The following RIOK3 variants were observed in gnomAD, a reference collection of about 807,000 sequenced individuals.
The protein encoded by RIOK3 is RIO kinase 3, also known as serine/threonine-protein kinase RIO3.
Under a neutral mutation model 63.5 loss-of-function variants are expected in RIOK3, and 40 were observed. The observed-to-expected ratio is 0.63, with a 90% confidence interval of 0.49 to 0.82. The LOEUF is 0.82. RIOK3 is among the 40% of genes least tolerant of loss of function. The pLI, the probability that RIOK3 is intolerant of heterozygous loss-of-function variation, is 0.00. For synonymous variants in RIOK3, 193 were observed against 205.0 expected (o/e 0.94, Z 0.50); for missense variants, 557 against 637.0 (o/e 0.87, Z 1.35).
chr18:23,463,409 C>CTTT lies in RIOK3; in HGVS notation c.179+344_179+346dup, dbSNP rs5823391. The CTTT allele has an allele frequency of 1.5e-3, 209 of 134,954 alleles. 8 individuals carry two copies. The highest frequency in any genetic ancestry group is 4.2e-3 in the Admixed American group (54 of 12,716). The allele number at this position is 134,954 out of a possible 1,614,324, so 8.4% of individuals were successfully genotyped here. Reference sequence around the variant, plus strand: ...TGGATGAATGAAACATCCAGACTTTCTTTTTTTTTTTTTTTTGGAGATGGA... The same window carrying CTTT: ...TGGATGAATGAAACATCCAGACTTTCTTTTTTTTTTTTTTTTTTTGGAGATGGA... On this transcript the variant is annotated intron_variant, in intron 2 of 12. Transcript: ENST00000339486.
At chr18:23,462,699 G>A (rs1364356706) in intron 1 of RIOK3, among the ~76,000 whole-genome samples, 1 of 152,206 alleles carries the variant, frequency 6.6e-6, no homozygotes. Flanking sequence ...GATGCCAGTG[G>A]GCCTGATGCT....
chr18:23,469,329 CT>C (rs59897862), intron 7 of RIOK3, among the ~76,000 whole-genome samples: 1 of 27,304 alleles, frequency 3.7e-5, no homozygotes, highest in Non-Finnish European at 6.9e-5. Flanking sequence ...CTCTCTCTCT[CT>C]CTCTCTCCCC....
intron 9 of RIOK3, among the ~76,000 whole-genome samples, chr18:23,475,805 G>A (rs746189428): frequency 5.9e-5 from 9 of 152,144 alleles, no homozygotes; most frequent in East Asian, 5.8e-4. Context: ...CAGGGAAGTC[G>A]TCATTGTTAG....
Position 23,473,454 on chromosome 18 carries a change from A to G in RIOK3, c.841A>G (p.Lys281Glu), listed in dbSNP as rs750522221. The change falls in exon 8 of 13, where the codon AAA becomes GAA. Residue 281 changes from lysine (K) to glutamate (E), a missense_variant. By Grantham distance (56) the Lys-to-Glu change is moderately conservative. This residue lies in a region of RIOK3 where 309 missense variants were observed against 338.7 expected (regional missense o/e 0.91). Coordinates refer to ENST00000339486, the MANE Select transcript of RIOK3 (RefSeq NM_003831.5). ...GSMEDEKEDS[K>E]VIPTECAIKV... ...CATGGAGGATGAAAAGGAAGATAGT[A>G]AAGTTATACCTACAGAATGTGCCAT... 6 of 1,610,092 alleles carry G rather than the reference A, an allele frequency of 3.7e-6. No individual in the cohort carries two copies. The highest frequency in any genetic ancestry group is 1.7e-5 in the Admixed American group (1 of 59,726).
chr18:23,453,507 G>C lies in RIOK3; in HGVS notation c.63+5G>C. ...GCGGCCTGGGGACCCAGCAAGGTAA[G>C]TGGCAGACGAGACTGGAGTACTAGC... On this transcript the variant is annotated splice_donor_5th_base_variant and intron_variant, in intron 1 of 12. Coordinates refer to ENST00000339486, the MANE Select transcript of RIOK3 (RefSeq NM_003831.5). 6.2e-7 allele frequency: 1 copy of C among 1,610,618 alleles called. No homozygotes were observed. Among genetic ancestry groups the C allele is most frequent in the Non-Finnish European group, 8.5e-7 (1 of 1,177,024 alleles).
intron 1 of RIOK3, chr18:23,456,248 C>T (rs2057340479): frequency 6.6e-6 from 1 of 152,198 alleles, no homozygotes; most frequent in South Asian, 2.1e-4. Context: ...GCCCGGACTT[C>T]TTTATACTCT....
chr18:23,467,454 G>C lies in RIOK3; in HGVS notation c.743G>C (p.Gly248Ala), dbSNP rs1490697284. 1.2e-6 allele frequency: 2 copies of C among 1,613,418 alleles called. No individual in the cohort carries two copies. The highest frequency in any genetic ancestry group is 1.7e-6 in the Non-Finnish European group (2 of 1,179,414). The stretch of plus-strand genomic sequence containing the variant: ...CTTATGTATAAAATGGTCAACTCTG[G>C]AATGTTGGAGACAATCACTGGCTGT... ...RLLMYKMVNS[G>A]MLETITGCIS... Residue 248 changes from glycine to alanine, a missense_variant, in exon 7 of 13, where the codon GGA (glycine) becomes GCA (alanine). Physicochemically the swap from Gly to Ala is moderately conservative, Grantham distance 60. Around this residue, in one of 3 missense-constraint regions of RIOK3, gnomAD observed 309 missense variants for 338.7 expected, o/e 0.91. Coordinates refer to ENST00000339486, the MANE Select transcript of RIOK3 (RefSeq NM_003831.5).
chr18:23,461,401 A>G (rs1176880110), intron 1 of RIOK3, among the ~76,000 whole-genome samples: 1 of 152,238 alleles, frequency 6.6e-6, no homozygotes, highest in Non-Finnish European at 1.5e-5. Flanking sequence ...TTTTAGAACA[A>G]TTACTGTGTT....
intron 1 of RIOK3, among the ~76,000 whole-genome samples, chr18:23,462,275 G>C (rs2057377250): frequency 6.6e-6 from 1 of 151,350 alleles, no homozygotes; most frequent in Non-Finnish European, 1.5e-5. Flanking sequence ...GAGTAGCTGG[G>C]ACTACAGGCA....
intron 1 of RIOK3, among the ~76,000 whole-genome samples, chr18:23,455,028 T>C (rs2057329275): frequency 6.6e-6 from 1 of 151,876 alleles, no homozygotes; most frequent in Non-Finnish European, 1.5e-5. Context: ...CTTCCTTTCC[T>C]TTCCTTTCTT....
At chr18:23,465,395 A>G (rs762258309) in intron 5 of RIOK3, among the ~76,000 whole-genome samples, 18 of 152,226 alleles carry the variant, frequency 1.2e-4, no homozygotes, top group Non-Finnish European at 2.6e-4. Context: ...AAAAAAAAGC[A>G]TTCTAAATCC....
intron 7 of RIOK3, among the ~76,000 whole-genome samples, chr18:23,469,336 T>TCC (rs56779968): frequency 0.022 from 312 of 14,502 alleles, 15 homozygotes; most frequent in African/African-American, 0.1. Flanking sequence ...TCTCTCTCTC[T>TCC]CCCCCTCTCT....
At chr18:23,476,705 G>C (rs912518289) in intron 9 of RIOK3, among the ~76,000 whole-genome samples, 1 of 152,060 alleles carries the variant, frequency 6.6e-6, no homozygotes, top group Non-Finnish European at 1.5e-5. Flanking sequence ...TCAGGAGATT[G>C]AGACCATCCT....
At position 23,464,232 on chromosome 18, in the gene RIOK3, A is replaced by G; in HGVS notation, c.352A>G (p.Lys118Glu). 1 of 1,613,742 alleles carries G rather than the reference A, an allele frequency of 6.2e-7. No homozygotes were observed. Among genetic ancestry groups the G allele is most frequent in the Non-Finnish European group, 8.5e-7 (1 of 1,179,912 alleles). The change falls in exon 4 of 13, where the codon AAA becomes GAA. Residue 118 changes from lysine to glutamate, a missense_variant. Lys to Glu is a moderately conservative substitution (Grantham distance 56). Around this residue, in one of 3 missense-constraint regions of RIOK3, gnomAD observed 243 missense variants for 275.4 expected, o/e 0.88. Coordinates refer to ENST00000339486, the MANE Select transcript of RIOK3 (RefSeq NM_003831.5). Reference sequence around the variant, plus strand: ...TTCCATTTCCTTTGAAAATTATCGAAAAGTGCATCCTTATGAAGACAGCGA... The same window carrying G: ...TTCCATTTCCTTTGAAAATTATCGAGAAGTGCATCCTTATGAAGACAGCGA... ...KVSISFENYR[K>E]VHPYEDSDSS...
At chr18:23,471,554 A>C (rs1261996437) in intron 7 of RIOK3, among the ~76,000 whole-genome samples, 1 of 152,198 alleles carries the variant, frequency 6.6e-6, no homozygotes, top group Non-Finnish European at 1.5e-5. Flanking sequence ...TGGAAAATGA[A>C]TTATAGGAGG....
chr18:23,478,642 T>C (rs200964313), intron 11 of RIOK3, among the ~76,000 whole-genome samples: 1 of 22,728 alleles, frequency 4.4e-5, no homozygotes, highest in African/African-American at 1.7e-4. Flanking sequence ...TATATATATA[T>C]ATATATATAT....
chr18:23,468,293 C>CTATTTTTTTT (rs2057423950), intron 7 of RIOK3, among the ~76,000 whole-genome samples: 1 of 46,448 alleles, frequency 2.2e-5, no homozygotes, highest in African/African-American at 1.0e-4. Flanking sequence ...CAATATACTC[C>CTATTTTTTTT]TTTTTTTTTT....
At position 23,459,714 on chromosome 18, in the gene RIOK3, G is replaced by A. The variant is rs116632437; in HGVS notation, c.64-3250G>A. Among the ~76,000 whole-genome samples the A allele has an allele frequency of 3.3e-3, 497 of 152,002 alleles. 3 individuals carry two copies. The highest frequency in any genetic ancestry group is 0.011 in the African/African-American group (477 of 41,480). On this transcript the variant is annotated intron_variant, in intron 1 of 12. Transcript: ENST00000339486. ...TTGAGACAGTCTCGCTCTGTCACCC[G>A]GGCTGGAGTGAAGTGGCGCAATCTT...
intron 1 of RIOK3, among the ~76,000 whole-genome samples, chr18:23,458,283 G>T (rs1417709785): frequency 1.3e-5 from 2 of 151,952 alleles, no homozygotes; most frequent in Non-Finnish European, 2.9e-5. Context: ...AAGCAGCGAA[G>T]GTCATATCTT....
Sources: allele counts gnomAD v4.1 joint callset (sites outside exome capture counted in the v4.1 genomes callset), GRCh38; gene constraint gnomAD v4.1.1; regional missense constraint gnomAD v4.1.1; transcripts MANE v1.5; gene names NCBI Gene and HGNC (gene_info 2026-07-23, HGNC 2026-07-21).